MYO15A: variants seen among roughly 807,000 people sequenced by gnomAD.
MYO15A encodes myosin XVA, also known as unconventional myosin-XV.
In MYO15A, 308 loss-of-function variants were observed where a neutral mutation model predicts 394.6. The observed-to-expected ratio is 0.78, with a 90% CI of 0.71 to 0.86. MYO15A has a LOEUF of 0.86. Ranked by LOEUF, MYO15A falls within the 40% of genes least tolerant of loss-of-function variation. The probability of loss-of-function intolerance (pLI) is 0.00; values close to 1 mark genes in which losing one functional copy is unlikely to be tolerated. For missense variants in MYO15A, 4,606 were observed against 4,799.1 expected, an observed-to-expected ratio of 0.96 and a Z score of 1.19; for synonymous variants, 1,957 against 2,003.8, an observed-to-expected ratio of 0.98 and a Z score of 0.62.
chr17:18,163,799 G>T lies in MYO15A; in HGVS notation c.9748G>T (p.Ala3250Ser). 6.2e-7 allele frequency: 1 copy of T among 1,614,096 alleles called. No homozygotes were observed. The highest frequency in any genetic ancestry group is 8.5e-7 in the Non-Finnish European group (1 of 1,179,986). Residue 3250 changes from alanine to serine, a missense_variant, in exon 60 of 66, where the codon GCC becomes TCC. Coordinates refer to ENST00000647165, the MANE Select transcript of MYO15A (RefSeq NM_016239.4). ...CAEMALTRPE[A>S]FNEYVIFVVT... ...TGAGATGGCTCTGACACGCCCTGAG[G>T]CCTTCAATGAATATGTTATCTTCGT...
At chr17:18,127,763 G>A (rs772907457) in intron 7 of MYO15A, among the ~76,000 whole-genome samples, 24 of 150,706 alleles carry the variant, frequency 1.6e-4, no homozygotes, top group African/African-American at 3.4e-4. Context: ...GAGGGGTAGC[G>A]GCAACTCAGG....
At chr17:18,157,253 C>T in intron 50 of MYO15A, 23 bp downstream of exon 50, 2 of 1,586,584 alleles carry the variant, frequency 1.3e-6, no homozygotes, top group Non-Finnish European at 1.7e-6. Flanking sequence ...GAACCTGGAA[C>T]CCCATACGGG....
chr17:18,135,620 C>A (rs1338606853), intron 12 of MYO15A, 91 bp from the exon 13 acceptor site: 2 of 1,259,686 alleles, frequency 1.6e-6, no homozygotes, highest in Non-Finnish European at 2.3e-6. Flanking sequence ...GGACTACTGG[C>A]ATGAGCCACA....
intron 1 of MYO15A, among the ~76,000 whole-genome samples, chr17:18,113,835 C>CACACACACACACAA (rs1340766492): frequency 1.5e-5 from 2 of 133,754 alleles, no homozygotes; most frequent in African/African-American, 5.2e-5. Context: ...CACACACACA[C>CACACACACACACAA]ACACACTCTT....
chr17:18,129,883 T>G (rs1196611289), intron 7 of MYO15A, among the ~76,000 whole-genome samples: 1 of 152,056 alleles, frequency 6.6e-6, no homozygotes, highest in Non-Finnish European at 1.5e-5. Flanking sequence ...GTTTTTTGTT[T>G]TTGTTTTTGT....
Position 18,179,229 on chromosome 17 carries a change from C to T in MYO15A, c.*359C>T, listed in dbSNP as rs1004947097. 8.9e-5 allele frequency: 35 copies of T among 393,354 alleles called. No homozygotes were observed. The highest frequency in any genetic ancestry group is 1.4e-4 in the Non-Finnish European group (30 of 207,024). 24.4% of individuals were successfully genotyped at this position (393,354 alleles called of 1,614,324 possible). A position where few individuals can be genotyped will look rare whatever the true frequency, so the allele number is the denominator to read the frequency against. ...GCCCCACACCAGTTGCCCAGATGAA[C>T]TGGCCTCTGCCTTTGGTTTACTCAG... On this transcript the variant is annotated 3_prime_UTR_variant, in exon 66 of 66. Coordinates refer to ENST00000647165, the MANE Select transcript of MYO15A (RefSeq NM_016239.4).
intron 2 of MYO15A, 172 bp downstream of exon 2, chr17:18,122,581 G>T (rs1371867457): frequency 1.9e-6 from 2 of 1,042,050 alleles, no homozygotes; most frequent in Admixed American, 2.9e-5. Context: ...AACCTCTGGA[G>T]GGTTGAACAA....
intron 62 of MYO15A, among the ~76,000 whole-genome samples, chr17:18,171,266 G>A (rs757071005): frequency 3.9e-5 from 6 of 152,248 alleles, no homozygotes; most frequent in East Asian, 1.9e-4. Flanking sequence ...TCACCCCTCC[G>A]GCTTTTGCTT....
intron 1 of MYO15A, among the ~76,000 whole-genome samples, chr17:18,113,722 A>T (rs527818370): frequency 6.6e-6 from 1 of 150,396 alleles, no homozygotes; most frequent in Non-Finnish European, 1.5e-5. Context: ...AGCCCGGTTG[A>T]CGGAGTGAGA....
Position 18,161,409 on chromosome 17 carries a change from T to C in MYO15A, c.9479T>C (p.Leu3160Pro), listed in dbSNP as rs757605533. 1.2e-6 allele frequency: 2 copies of C among 1,614,026 alleles called. No homozygotes were observed. Among genetic ancestry groups the C allele is most frequent in the South Asian group, 2.2e-5 (2 of 91,070 alleles). ...EVLHPHLTRF[L>P]QDVSRTPGLP... Reference sequence around the variant, plus strand: ...CTCCACCCACACCTCACTCGCTTCCTCCAAGACGTGAGCCGGACCCCAGGC... The same window carrying C: ...CTCCACCCACACCTCACTCGCTTCCCCCAAGACGTGAGCCGGACCCCAGGC... The change falls in exon 57 of 66, where the codon CTC (leucine) becomes CCC (proline). Residue 3160 changes from leucine (L) to proline (P), a missense_variant. By Grantham distance (98) the Leu-to-Pro change is moderately conservative (BLOSUM62 -3). This residue lies in a region of MYO15A where 2,776 missense variants were observed against 3,109.3 expected (regional missense o/e 0.89). Transcript: ENST00000647165.
intron 62 of MYO15A, 126 bp downstream of exon 62, chr17:18,167,849 A>C: frequency 7.0e-7 from 1 of 1,429,104 alleles, no homozygotes; most frequent in South Asian, 1.2e-5. Flanking sequence ...CAGTGGGGCT[A>C]TCTGGGAAGG....
chr17:18,162,827 C>T, intron 58 of MYO15A, 148 bp downstream of exon 58: 1 of 805,460 alleles, frequency 1.2e-6, no homozygotes, highest in Non-Finnish European at 2.0e-6. Flanking sequence ...TGGTGAAACC[C>T]CGTCTCTACT....
At position 18,121,272 on chromosome 17, in the gene MYO15A, A is replaced by T. The variant is rs1484226828; in HGVS notation, c.2472A>T (p.Pro824=). 4 of 1,393,160 alleles carry T rather than the reference A, an allele frequency of 2.9e-6. No homozygotes were observed. The highest frequency in any genetic ancestry group is 3.7e-6 in the Non-Finnish European group (4 of 1,078,562). The allele number at this position is 1,393,160 out of a possible 1,614,324, so 86.3% of individuals were successfully genotyped here. A position where few individuals can be genotyped will look rare whatever the true frequency, so the allele number is the denominator to read the frequency against. ...ARRPRSLQES[P]APRRAAGRLG... is the part of the protein sequence containing the mutation. ...GGCCCCGCTCGCTGCAGGAGTCCCC[A>T]GCCCCACGCCGAGCCGCTGGGCGCC... is the stretch of plus-strand genomic sequence containing the variant. The change falls in exon 2 of 66, where the codon CCA becomes CCT. Residue 824 remains proline (P), a synonymous_variant. Transcript: ENST00000647165. This position sits in a 1 kb window ranked among gnomAD's most constrained non-coding sequence, Gnocchi z 5.3.
chr17:18,170,221 C>T (rs1487714907), intron 62 of MYO15A, among the ~76,000 whole-genome samples: 1 of 151,966 alleles, frequency 6.6e-6, no homozygotes, highest in Non-Finnish European at 1.5e-5. Flanking sequence ...TCAACCCCCT[C>T]GACCACACTT....
At chr17:18,127,661 C>T (rs896023552) in intron 7 of MYO15A, among the ~76,000 whole-genome samples, 8 of 151,894 alleles carry the variant, frequency 5.3e-5, no homozygotes, top group Non-Finnish European at 8.8e-5. Flanking sequence ...GTGCTAAGCC[C>T]TCTGAGCCTG....
Position 18,143,847 on chromosome 17 carries a change from C to T in MYO15A, c.6047-23C>T, listed in dbSNP as rs150044932. 144 of 1,571,502 alleles carry T rather than the reference C, an allele frequency of 9.2e-5. No homozygotes were observed. In the African/African-American group the frequency reaches 1.7e-3, roughly 19 times the overall value. Reference sequence around the variant, plus strand: ...GGCCCAGGCAGATCAGAGCAGGCACCGCATTCCCTCCTCTTTCCACAGGCC... The same window carrying T: ...GGCCCAGGCAGATCAGAGCAGGCACTGCATTCCCTCCTCTTTCCACAGGCC... On this transcript the variant is annotated intron_variant, in intron 27 of 65. Coordinates refer to ENST00000647165, the MANE Select transcript of MYO15A (RefSeq NM_016239.4).
chr17:18,143,113 T>G (rs1335487388), intron 25 of MYO15A, among the ~76,000 whole-genome samples: 1 of 152,204 alleles, frequency 6.6e-6, no homozygotes, highest in African/African-American at 2.4e-5. Flanking sequence ...CCATTAGAAT[T>G]TGGTGACCTG....
intron 25 of MYO15A, among the ~76,000 whole-genome samples, 174 bp downstream of exon 25, chr17:18,143,014 TTGGGATTG>T (rs1171461722): frequency 6.6e-6 from 1 of 152,152 alleles, no homozygotes; most frequent in Non-Finnish European, 1.5e-5. Flanking sequence ...CATCTACCCC[TTGGGATTG>T]TGGAGAGGGT....
chr17:18,174,028 G>A (rs928104173), intron 65 of MYO15A, 107 bp downstream of exon 65: 188 of 1,458,684 alleles, frequency 1.3e-4, no homozygotes, highest in Non-Finnish European at 1.6e-4. Context: ...CCAGGCCAGT[G>A]CATGGGACAG....
Sources: allele counts gnomAD v4.1 joint callset (sites outside exome capture counted in the v4.1 genomes callset), GRCh38; gene constraint gnomAD v4.1.1; regional missense constraint gnomAD v4.1.1; non-coding constraint Gnocchi (gnomAD v3.1); transcripts MANE v1.5; gene names NCBI Gene and HGNC (gene_info 2026-07-23, HGNC 2026-07-21).